The following DYNC1I2 variants were observed in gnomAD, a reference collection of about 807,000 sequenced individuals.
DYNC1I2 encodes cytoplasmic dynein 1 intermediate chain 2.
DYNC1I2 carries 53 observed loss-of-function variants against 88.6 expected under a neutral mutation model. The observed-to-expected ratio is 0.60, with a 90% CI of 0.48 to 0.75. The LOEUF is 0.75. Ranked by LOEUF, DYNC1I2 falls within the 30% of genes least tolerant of loss-of-function variation. The pLI is 0.00. For synonymous variants in DYNC1I2, 198 were observed against 254.6 expected, an observed-to-expected ratio of 0.78 and a Z score of 2.12; for missense variants, 458 against 766.6, an observed-to-expected ratio of 0.60 and a Z score of 4.75.
chr2:171,743,208 G>GA (rs1335608997), intron 15 of DYNC1I2, among the ~76,000 whole-genome samples: 1 of 152,112 alleles, frequency 6.6e-6, no homozygotes, highest in East Asian at 1.9e-4. Flanking sequence ...ATAAAGAAGA[G>GA]AAAATATATT....
chr2:171,726,575 T>TTAA (rs1262313476), intron 10 of DYNC1I2: 1 of 597,420 alleles, frequency 1.7e-6, no homozygotes, highest in African/African-American at 1.9e-5. Flanking sequence ...ATATTTTAAT[T>TTAA]AAATGTTTTA....
At chr2:171,739,057 A>C (rs1298688936) in intron 15 of DYNC1I2, among the ~76,000 whole-genome samples, 1 of 149,806 alleles carries the variant, frequency 6.7e-6, no homozygotes, top group Admixed American at 6.7e-5. Flanking sequence ...CAGAGGTTGC[A>C]GTGAGCCAAG....
chr2:171,698,580 G>T (rs557701262), intron 3 of DYNC1I2, among the ~76,000 whole-genome samples: 2 of 152,130 alleles, frequency 1.3e-5, no homozygotes, highest in South Asian at 4.2e-4. Context: ...TAGAAACAGG[G>T]TCTCACAGGC....
At chr2:171,696,956 A>G (rs1685814774) in intron 3 of DYNC1I2, among the ~76,000 whole-genome samples, 1 of 152,034 alleles carries the variant, frequency 6.6e-6, no homozygotes, top group Non-Finnish European at 1.5e-5. Flanking sequence ...TTGCTGTACC[A>G]TACATACATT....
chr2:171,738,348 GAAAA>G (rs766786262), intron 15 of DYNC1I2, among the ~76,000 whole-genome samples: 1 of 151,366 alleles, frequency 6.6e-6, no homozygotes, highest in Admixed American at 6.6e-5. Context: ...AAAAAAAAAA[GAAAA>G]AAAGATACTC....
intron 3 of DYNC1I2, among the ~76,000 whole-genome samples, chr2:171,694,311 A>G (rs1204375119): frequency 6.6e-6 from 1 of 150,962 alleles, no homozygotes; most frequent in East Asian, 1.9e-4. Context: ...TTCTTAATTT[A>G]TGGCTGGGTT....
chr2:171,743,123 A>T (rs183099030), intron 15 of DYNC1I2, among the ~76,000 whole-genome samples: 154 of 152,326 alleles, frequency 1.0e-3, no homozygotes, highest in African/African-American at 3.6e-3. Flanking sequence ...TGATTAACAC[A>T]TATTTTTTAT....
intron 7 of DYNC1I2, among the ~76,000 whole-genome samples, chr2:171,722,162 G>T (rs1322452318): frequency 2.0e-5 from 3 of 152,074 alleles, no homozygotes; most frequent in African/African-American, 7.2e-5. Context: ...TTACTCCATT[G>T]TAAGAGATTA....
chr2:171,701,801 T>G (rs919972130), intron 3 of DYNC1I2, among the ~76,000 whole-genome samples: 1 of 152,180 alleles, frequency 6.6e-6, no homozygotes, highest in Non-Finnish European at 1.5e-5. Context: ...AATAAAAAAT[T>G]TTTTACAGAG....
At chr2:171,703,851 T>C (rs74797161) in intron 3 of DYNC1I2, among the ~76,000 whole-genome samples, 9 of 152,176 alleles carry the variant, frequency 5.9e-5, no homozygotes, top group Non-Finnish European at 1.2e-4. Flanking sequence ...CTGAGTATCA[T>C]TGATGACCTT....
chr2:171,743,963 T>C lies in DYNC1I2; in HGVS notation c.1537-86T>C, dbSNP rs116637473. On this transcript the variant is annotated intron_variant, in intron 15 of 17. Transcript: ENST00000397119. ...AAAATGTTATCATACCTGTTGAATG[T>C]ATGTCATTTTTTTCCCAGTGATAAG... 5,268 of 1,192,430 alleles carry C rather than the reference T, an allele frequency of 4.4e-3. 105 individuals are homozygous for C. In the African/African-American group the frequency reaches 0.054, roughly 12 times the overall value. 73.9% of individuals were successfully genotyped at this position (1,192,430 alleles called of 1,614,324 possible). A position where few individuals can be genotyped will look rare whatever the true frequency, so the allele number is the denominator to read the frequency against.
intron 3 of DYNC1I2, among the ~76,000 whole-genome samples, chr2:171,694,526 G>A (rs1221596404): frequency 6.6e-6 from 1 of 151,930 alleles, no homozygotes; most frequent in Non-Finnish European, 1.5e-5. Context: ...GCGTGGTGGC[G>A]CATGCCTGTA....
chr2:171,727,708 C>T, intron 11 of DYNC1I2, 113 bp from the exon 12 acceptor site: 3 of 893,408 alleles, frequency 3.4e-6, no homozygotes, highest in Non-Finnish European at 5.0e-6. Context: ...GTTTTTATAA[C>T]CTCTAATACC....
rs575284464 is a variant in DYNC1I2 at position 171,714,467 on chromosome 2, T to TTG, written c.396-860_396-859insGT. ...TTATTGTATATCCTTTTAAGGCAGC[T>TTG]TCATCACTGAGAACTTTTTTGGGAG... On this transcript the variant is annotated intron_variant, in intron 6 of 17. Transcript: ENST00000397119. Among the ~76,000 whole-genome samples the TTG allele has an allele frequency of 1.4e-4, 22 of 152,290 alleles. 1 individual carries two copies. Among genetic ancestry groups the TTG allele is most frequent in the African/African-American group, 5.3e-4 (22 of 41,596 alleles).
At chr2:171,700,203 C>G (rs1002366827) in intron 3 of DYNC1I2, among the ~76,000 whole-genome samples, 4 of 152,134 alleles carry the variant, frequency 2.6e-5, no homozygotes, top group Non-Finnish European at 4.4e-5. Context: ...AGCTGAGTTC[C>G]CATCCTCGTG....
chr2:171,691,599 A>T (rs887879730), intron 2 of DYNC1I2, among the ~76,000 whole-genome samples: 5 of 152,204 alleles, frequency 3.3e-5, no homozygotes, highest in African/African-American at 4.8e-5. Flanking sequence ...GTGAGACATT[A>T]TAAGAGGATT....
At chr2:171,746,049 A>G (rs1689755433) in intron 17 of DYNC1I2, 122 bp downstream of exon 17, 2 of 995,454 alleles carry the variant, frequency 2.0e-6, no homozygotes, top group Non-Finnish European at 2.8e-6. Context: ...GGTTGTAAAG[A>G]TAAAACTTAC....
chr2:171,702,165 G>A (rs1365338856), intron 3 of DYNC1I2, among the ~76,000 whole-genome samples: 2 of 152,160 alleles, frequency 1.3e-5, no homozygotes, highest in Non-Finnish European at 2.9e-5. Context: ...ACAAAGGGTT[G>A]GCTGTTCCTT....
chr2:171,713,514 TAG>T (rs1335607546), intron 6 of DYNC1I2, among the ~76,000 whole-genome samples: 1 of 152,040 alleles, frequency 6.6e-6, no homozygotes, highest in Non-Finnish European at 1.5e-5. Context: ...GTCTCTTTTT[TAG>T]AGTTTTAAAA....
Sources: allele counts gnomAD v4.1 joint callset (sites outside exome capture counted in the v4.1 genomes callset), GRCh38; gene constraint gnomAD v4.1.1; transcripts MANE v1.5; gene names NCBI Gene and HGNC (gene_info 2026-07-23, HGNC 2026-07-21).